Variants in SORCS3 observed in about 807,000 individuals in gnomAD.
SORCS3 encodes the protein VPS10 domain-containing receptor SorCS3.
SORCS3 carries 57 observed loss-of-function variants against 146.3 expected under a neutral mutation model. The ratio of observed to expected loss-of-function variants is 0.39; its 90% CI spans 0.31 to 0.49. The LOEUF (loss-of-function observed/expected upper bound fraction) is 0.49. Ranked by LOEUF, SORCS3 falls within the 20% of genes least tolerant of loss-of-function variation. The pLI, the probability that SORCS3 is intolerant of heterozygous loss-of-function variation, is 0.92. For synonymous variants in SORCS3, 653 were observed against 618.5 expected (o/e 1.06, Z -0.83); for missense variants, 1,341 against 1,575.5 (o/e 0.85, Z 2.52).
chr10:104,863,655 G>T (rs2018429290), intron 2 of SORCS3, among the ~76,000 whole-genome samples: 1 of 152,194 alleles, frequency 6.6e-6, no homozygotes, highest in Non-Finnish European at 1.5e-5. Flanking sequence ...TTAGGAGTCT[G>T]TTGAAAGCCT....
chr10:104,878,099 T>G (rs1217106923), intron 2 of SORCS3, among the ~76,000 whole-genome samples: 5 of 152,168 alleles, frequency 3.3e-5, no homozygotes, highest in Admixed American at 1.3e-4. Flanking sequence ...TCTTTTTTTT[T>G]TCCATTAGCT....
chr10:104,929,030 G>C (rs2019179241), intron 3 of SORCS3, among the ~76,000 whole-genome samples: 1 of 152,204 alleles, frequency 6.6e-6, no homozygotes, highest in South Asian at 2.1e-4. Context: ...AGGAAAAGTA[G>C]TGGTCAGTTT....
At chr10:104,653,497 A>C (rs1386967494) in intron 1 of SORCS3, among the ~76,000 whole-genome samples, 1 of 152,122 alleles carries the variant, frequency 6.6e-6, no homozygotes, top group Non-Finnish European at 1.5e-5. Context: ...CATATCCTCA[A>C]GTAATCTTTT....
At chr10:104,840,239 C>T (rs372954836) in intron 1 of SORCS3, among the ~76,000 whole-genome samples, 1 of 152,186 alleles carries the variant, frequency 6.6e-6, no homozygotes, top group East Asian at 1.9e-4. Context: ...ATAATATTCT[C>T]TTGAGTGGTT....
intron 1 of SORCS3, among the ~76,000 whole-genome samples, chr10:104,735,776 G>T (rs896710633): frequency 3.3e-5 from 5 of 152,098 alleles, no homozygotes; most frequent in African/African-American, 1.2e-4. Context: ...GTTATGACCT[G>T]TAGCATGGGC....
At chr10:104,892,514 G>A (rs1355739349) in intron 2 of SORCS3, among the ~76,000 whole-genome samples, 1 of 152,162 alleles carries the variant, frequency 6.6e-6, no homozygotes, top group Non-Finnish European at 1.5e-5. Flanking sequence ...CTGAGGTCAG[G>A]AGTTGAAAAC....
At chr10:104,671,324 C>CTTT (rs1564655720) in intron 1 of SORCS3, among the ~76,000 whole-genome samples, 10 of 17,528 alleles carry the variant, frequency 5.7e-4, no homozygotes, top group Non-Finnish European at 8.5e-4. Context: ...TCATTCTTTT[C>CTTT]CTTTTTTTTT....
intron 2 of SORCS3, among the ~76,000 whole-genome samples, chr10:104,858,715 G>A (rs372216311): frequency 1.3e-5 from 2 of 150,212 alleles, no homozygotes; most frequent in African/African-American, 4.9e-5. Context: ...TCTGCCTCCC[G>A]GGTTCAAGCC....
At chr10:104,736,999 C>CA (rs1195320654) in intron 1 of SORCS3, among the ~76,000 whole-genome samples, 2 of 151,650 alleles carry the variant, frequency 1.3e-5, no homozygotes, top group African/African-American at 4.8e-5. Flanking sequence ...TCTCATTGTT[C>CA]ATTCCCATCT....
chr10:105,205,939 G>T (rs889667735), intron 16 of SORCS3, among the ~76,000 whole-genome samples: 2 of 152,120 alleles, frequency 1.3e-5, no homozygotes, highest in African/African-American at 4.8e-5. Context: ...TGTATTACTG[G>T]CTACCTCCAT....
intron 1 of SORCS3, among the ~76,000 whole-genome samples, chr10:104,715,989 C>A (rs1319733504): frequency 6.6e-6 from 1 of 152,150 alleles, no homozygotes; most frequent in African/African-American, 2.4e-5. Flanking sequence ...TCCTGACCAC[C>A]CATTTACAGG....
intron 5 of SORCS3, among the ~76,000 whole-genome samples, chr10:105,047,012 T>C (rs1009845467): frequency 2.6e-5 from 4 of 151,930 alleles, no homozygotes; most frequent in African/African-American, 9.7e-5. Flanking sequence ...GTTGTTGTCA[T>C]GGGGGAAAAG....
chr10:105,092,640 T>C lies in SORCS3; in HGVS notation c.1093+2801T>C, dbSNP rs1160331471. 7.8e-5 allele frequency among the ~76,000 whole-genome samples: 9 copies of C among 115,230 alleles called. No homozygotes were observed. In the East Asian group the frequency reaches 8.1e-4, roughly 10 times the overall value. 75.6% of individuals were successfully genotyped at this position (115,230 alleles called of 152,430 possible). Reference sequence around the variant, plus strand: ...ACACACACACACACACACACACACATCTCTACCATCATTTGAGCATCATCA... The same window carrying C: ...ACACACACACACACACACACACACACCTCTACCATCATTTGAGCATCATCA... On this transcript the variant is annotated intron_variant, in intron 6 of 26. Transcript: ENST00000369701.
At chr10:105,185,915 T>C (rs189890374) in intron 14 of SORCS3, among the ~76,000 whole-genome samples, 1 of 152,306 alleles carries the variant, frequency 6.6e-6, no homozygotes, top group Admixed American at 6.5e-5. Flanking sequence ...TTCTACATGA[T>C]TTTTTCTCTC....
At chr10:104,885,368 T>G (rs780456631) in intron 2 of SORCS3, among the ~76,000 whole-genome samples, 9 of 152,214 alleles carry the variant, frequency 5.9e-5, no homozygotes, top group Non-Finnish European at 1.3e-4. Context: ...GCATACACAC[T>G]TGTGTTTCAA....
rs188373989 is a variant in SORCS3 at position 104,801,995 on chromosome 10, G to A, written c.628-40797G>A. On this transcript the variant is annotated intron_variant, in intron 1 of 26. Transcript: ENST00000369701. ...CTACTTCCCATTGCCAGCTCACTAA[G>A]CAATTGCTCACATTTTCTCTTTTTA... 5.6e-3 allele frequency among the ~76,000 whole-genome samples: 858 copies of A among 152,262 alleles called. 10 individuals are homozygous for A. The highest frequency in any genetic ancestry group is 0.016 in the African/African-American group (652 of 41,542).
chr10:105,043,258 T>C lies in SORCS3; in HGVS notation c.1028+130T>C, dbSNP rs150849706. ...TCCAGTCCTTTGCTACACAGAGTGG[T>C]TTGTAGAATAGCAGCATCAGCATCA... On this transcript the variant is annotated intron_variant, in intron 5 of 26. Transcript: ENST00000369701. 1.1e-4 allele frequency: 82 copies of C among 765,316 alleles called. No homozygotes were observed. The East Asian group carries it at 2.1e-3, about 19-fold the overall frequency. The allele number at this position is 765,316 out of a possible 1,614,324, so 47.4% of individuals were successfully genotyped here.
intron 3 of SORCS3, among the ~76,000 whole-genome samples, chr10:104,931,163 T>A (rs1047781169): frequency 1.3e-5 from 2 of 152,080 alleles, no homozygotes; most frequent in Non-Finnish European, 2.9e-5. Context: ...ATGAAGAAAC[T>A]GAGTCTCAGG....
intron 3 of SORCS3, among the ~76,000 whole-genome samples, chr10:104,926,493 T>A (rs558523456): frequency 9.8e-4 from 149 of 152,300 alleles, no homozygotes; most frequent in African/African-American, 3.4e-3. Context: ...GTCCAAATGT[T>A]TTTCTTCTTG....
Sources: allele counts gnomAD v4.1 joint callset (sites outside exome capture counted in the v4.1 genomes callset), GRCh38; gene constraint gnomAD v4.1.1; transcripts MANE v1.5; gene names NCBI Gene and HGNC (gene_info 2026-07-23, HGNC 2026-07-21).